The following OR1M1 variants were observed in gnomAD, a reference collection of about 807,000 sequenced individuals.
OR1M1 encodes olfactory receptor 1M1.
For missense variants in OR1M1, 397 were observed against 401.8 expected (o/e 0.99, Z 0.10); for synonymous variants, 157 against 165.5 (o/e 0.95, Z 0.39).
chr19:9,089,342 T>C (rs775217143), intron 1 of OR1M1, among the ~76,000 whole-genome samples: 25 of 152,146 alleles, frequency 1.6e-4, no homozygotes, highest in Non-Finnish European at 3.2e-4. Context: ...TATGCTCCAA[T>C]TCTTTCCATG....
chr19:9,087,182 AGAGAG>A (rs2050269473), intron 1 of OR1M1, 25 bp downstream of exon 1: 1 of 152,100 alleles, frequency 6.6e-6, no homozygotes, highest in African/African-American at 2.4e-5. Context: ...AGAGAGAGAG[AGAGAG>A]AGAGACTGAA....
At position 9,092,141 on chromosome 19, in the gene OR1M1, A is replaced by G. The variant is rs117383112; in HGVS notation, c.-13-1091A>G. Among the ~76,000 whole-genome samples, 174 of 124,870 alleles carry G rather than the reference A, an allele frequency of 1.4e-3. No homozygotes were observed. In the East Asian group the frequency reaches 0.035, roughly 25 times the overall value. 81.9% of individuals were successfully genotyped at this position (124,870 alleles called of 152,430 possible). A position where few individuals can be genotyped will look rare whatever the true frequency, so the allele number is the denominator to read the frequency against. ...TGCCATGTTGCTCAGGCTGCTCTTG[A>G]ACACCTGCATTCAAGCTCTCTGCCC... is the stretch of plus-strand genomic sequence containing the variant. On this transcript the variant is annotated intron_variant, in intron 1 of 1. Transcript: ENST00000641627.
chr19:9,091,378 C>T (rs1373214728), intron 1 of OR1M1, among the ~76,000 whole-genome samples: 2 of 151,190 alleles, frequency 1.3e-5, no homozygotes, highest in Non-Finnish European at 2.9e-5. Flanking sequence ...ATTTTAATTC[C>T]AATTAATCAA....
chr19:9,093,987 T>C lies in OR1M1; in HGVS notation c.743T>C (p.Val248Ala), dbSNP rs368403281. Residue 248 changes from valine (V) to alanine (A), a missense_variant, in exon 2 of 2, where the codon GTT becomes GCT. Coordinates refer to ENST00000641627, the MANE Select transcript of OR1M1 (RefSeq NM_001004456.2). ...FSTCSSHLSV[V>A]ALFYGTTIGV... ...ACCTGCAGCTCCCACCTGTCTGTGGTTGCTCTCTTCTATGGGACCACCATT... is the reference window on the plus strand; with the variant it reads ...ACCTGCAGCTCCCACCTGTCTGTGGCTGCTCTCTTCTATGGGACCACCATT... 2.3e-5 allele frequency: 37 copies of C among 1,614,002 alleles called. No individual in the cohort carries two copies. In the African/African-American group the frequency reaches 4.3e-4, roughly 19 times the overall value.
At chr19:9,092,914 T>C (rs2050301042) in intron 1 of OR1M1, among the ~76,000 whole-genome samples, 1 of 148,972 alleles carries the variant, frequency 6.7e-6, no homozygotes, top group South Asian at 2.1e-4. Context: ...AATATATATA[T>C]ATGTATATAT....
In OR1M1 at chr19:9,093,295, C is replaced by G. The variant is rs1193347848; in HGVS notation, c.51C>G (p.Leu17=). The change falls in exon 2 of 2, where the codon CTC becomes CTG. Residue 17 remains leucine (L), a synonymous_variant. Transcript: ENST00000641627. Reference sequence around the variant, plus strand: ...CATCTCAATTCATCCTCCTGGGACTCTCAGAAAAGCCAGAGCAGGAGACGC... The same window carrying G: ...CATCTCAATTCATCCTCCTGGGACTGTCAGAAAAGCCAGAGCAGGAGACGC... ...TSASQFILLG[L]SEKPEQETLL... 1 of 1,613,784 alleles carries G rather than the reference C, an allele frequency of 6.2e-7. No individual in the cohort carries two copies. Among genetic ancestry groups the G allele is most frequent in the Non-Finnish European group, 8.5e-7 (1 of 1,179,920 alleles).
intron 1 of OR1M1, among the ~76,000 whole-genome samples, chr19:9,088,702 A>G (rs562604945): frequency 2.6e-5 from 4 of 152,260 alleles, no homozygotes; most frequent in Admixed American, 2.6e-4. Flanking sequence ...CCTGGCCAGC[A>G]TGGTGAAACC....
intron 1 of OR1M1, 136 bp from the exon 2 acceptor site, chr19:9,093,096 A>G: frequency 1.8e-6 from 1 of 561,558 alleles, no homozygotes; most frequent in Admixed American, 3.4e-5. Flanking sequence ...ACACACACAC[A>G]CACACACACA....
rs2050309443 is a variant in OR1M1 at position 9,093,723 on chromosome 19, T to A, written c.479T>A (p.Ile160Asn). 1 of 1,613,512 alleles carries A rather than the reference T, an allele frequency of 6.2e-7. No homozygotes were observed. Among genetic ancestry groups the A allele is most frequent in the African/African-American group, 1.3e-5 (1 of 75,006 alleles). Residue 160 changes from isoleucine (I) to asparagine (N), a missense_variant, in exon 2 of 2, where the codon ATC becomes AAC. Ile to Asn is a moderately radical substitution (Grantham distance 149, BLOSUM62 -3). Transcript: ENST00000641627. ...AFSCFISLTH[I>N]LLMARLVFCG... Reference sequence around the variant, plus strand: ...TCCTGCTTCATCTCACTCACTCACATCCTCCTGATGGCCCGTCTCGTTTTC... The same window carrying A: ...TCCTGCTTCATCTCACTCACTCACAACCTCCTGATGGCCCGTCTCGTTTTC...
rs923946328 is a variant in OR1M1 at position 9,093,781 on chromosome 19, C to T, written c.537C>T (p.Cys179=). 15 of 1,613,770 alleles carry T rather than the reference C, an allele frequency of 9.3e-6. No individual in the cohort carries two copies. The highest frequency in any genetic ancestry group is 1.2e-5 in the Non-Finnish European group (14 of 1,180,032). ...GCCATGAGGTGCCTCACTACTTCTG[C>T]GACCTCACTCCCATCCTCCGACTTT... is the stretch of plus-strand genomic sequence containing the variant. ...CGSHEVPHYF[C]DLTPILRLSC... The change falls in exon 2 of 2, where the codon TGC becomes TGT. Residue 179 remains cysteine (C), a synonymous_variant. Coordinates refer to ENST00000641627, the MANE Select transcript of OR1M1 (RefSeq NM_001004456.2).
intron 1 of OR1M1, among the ~76,000 whole-genome samples, chr19:9,090,685 C>T (rs1347297993): frequency 1.3e-5 from 2 of 151,738 alleles, no homozygotes; most frequent in African/African-American, 4.8e-5. Context: ...CCGCCTGCCT[C>T]GGCCTCCCAA....
At chr19:9,092,184 T>G (rs1408323504) in intron 1 of OR1M1, among the ~76,000 whole-genome samples, 1 of 146,226 alleles carries the variant, frequency 6.8e-6, no homozygotes, top group Non-Finnish European at 1.5e-5. Context: ...CCTCCCAAAG[T>G]GCTGTGATTA....
In OR1M1 at chr19:9,094,892, C is replaced by T. The variant is rs981829712; in HGVS notation, c.*706C>T. The T allele has an allele frequency of 2.6e-5, 4 of 152,416 alleles. No individual in the cohort carries two copies. The highest frequency in any genetic ancestry group is 9.7e-5 in the African/African-American group (4 of 41,428). The allele number at this position is 152,416 out of a possible 1,614,324, so 9.4% of individuals were successfully genotyped here. Reference sequence around the variant, plus strand: ...TGATCTCTGCTCACTGCAACCTCCGCCTCTGGGTTCAAGTGATCCTCCTGC... The same window carrying T: ...TGATCTCTGCTCACTGCAACCTCCGTCTCTGGGTTCAAGTGATCCTCCTGC... On this transcript the variant is annotated 3_prime_UTR_variant, in exon 2 of 2. Transcript: ENST00000641627.
chr19:9,093,271 A>C lies in OR1M1; in HGVS notation c.27A>C (p.Ala9=). The C allele has an allele frequency of 1.2e-6, 2 of 1,612,014 alleles. No individual in the cohort carries two copies. Residue 9 remains alanine, a synonymous_variant, in exon 2 of 2, where the codon GCA becomes GCC. Transcript: ENST00000641627. The part of the protein sequence containing the change: MEPRNQTS[A]SQFILLGLSE... ...TGGAACCAAGAAACCAAACCAGTGC[A>C]TCTCAATTCATCCTCCTGGGACTCT...
At chr19:9,091,761 A>G (rs1468534430) in intron 1 of OR1M1, among the ~76,000 whole-genome samples, 1 of 152,150 alleles carries the variant, frequency 6.6e-6, no homozygotes, top group Non-Finnish European at 1.5e-5. Flanking sequence ...AGGAAGACTG[A>G]AAATTTCAAA....
chr19:9,093,617 G>A lies in OR1M1; in HGVS notation c.373G>A (p.Ala125Thr), dbSNP rs1167477929. The change falls in exon 2 of 2, where the codon GCC (alanine) becomes ACC (threonine). Residue 125 changes from alanine to threonine, a missense_variant. Ala to Thr is a moderately conservative substitution (Grantham distance 58). Coordinates refer to ENST00000641627, the MANE Select transcript of OR1M1 (RefSeq NM_001004456.2). Reference protein sequence around the residue: ...IAMMAYDRFVAICHPLHYAKI... With the variant: ...IAMMAYDRFVTICHPLHYAKI... ...CATGATGGCTTATGACCGGTTCGTG[G>A]CCATCTGCCACCCATTGCACTACGC... 6.2e-7 allele frequency: 1 copy of A among 1,614,152 alleles called. No individual in the cohort carries two copies. Among genetic ancestry groups the A allele is most frequent in the Non-Finnish European group, 8.5e-7 (1 of 1,180,036 alleles).
chr19:9,093,200 A>T (rs1236759825), intron 1 of OR1M1, 32 bp from the exon 2 acceptor site: 2 of 1,398,160 alleles, frequency 1.4e-6, no homozygotes, highest in South Asian at 1.3e-5. Flanking sequence ...TCTCCCTGTC[A>T]TTCCTATAAC....
intron 1 of OR1M1, among the ~76,000 whole-genome samples, chr19:9,089,322 TC>T (rs2145902806): frequency 6.6e-6 from 1 of 152,308 alleles, no homozygotes; most frequent in East Asian, 1.9e-4. Context: ...CTGGCTTATT[TC>T]ATTTATAATA....
intron 1 of OR1M1, among the ~76,000 whole-genome samples, chr19:9,090,167 T>C (rs1288338495): frequency 1.3e-5 from 2 of 152,186 alleles, no homozygotes; most frequent in African/African-American, 4.8e-5. Context: ...GTCTTCTGTA[T>C]CCCAGACAAG....
Sources: allele counts gnomAD v4.1 joint callset (sites outside exome capture counted in the v4.1 genomes callset), GRCh38; gene constraint gnomAD v4.1.1; transcripts MANE v1.5; gene names NCBI Gene and HGNC (gene_info 2026-07-23, HGNC 2026-07-21).